TCF4: variants seen among roughly 807,000 people sequenced by gnomAD.
The protein encoded by TCF4 is SL3-3 enhancer factor 2.
A neutral mutation model predicts 82.1 loss-of-function variants in TCF4; 3 were observed. That is an observed-to-expected ratio of 0.04 (90% CI 0.02 to 0.09). The LOEUF (loss-of-function observed/expected upper bound fraction) is 0.09, where lower values mean the gene tolerates loss of function less well. TCF4 is among the 10% of genes least tolerant of loss of function. The pLI, the probability that TCF4 is intolerant of heterozygous loss-of-function variation, is 1.00. For missense variants in TCF4, 518 were observed against 852.7 expected (o/e 0.61, Z 4.89); for synonymous variants, 276 against 309.6 (o/e 0.89, Z 1.14).
rs928156683 is a variant in TCF4, at chr18:55,297,149, T to G, written c.550-17493A>C. 3.4e-3 allele frequency among the ~76,000 whole-genome samples: 305 copies of G among 90,596 alleles called. 2 individuals carry two copies. In the South Asian group the frequency reaches 0.043, roughly 13 times the overall value. 59.4% of individuals were successfully genotyped at this position (90,596 alleles called of 152,430 possible). On this transcript the variant is annotated intron_variant, in intron 8 of 19. Coordinates refer to ENST00000354452, the MANE Select transcript of TCF4 (RefSeq NM_001083962.2). Reference sequence around the variant, plus strand: ...GCCTGTTGAGTCTTTTCTTTGAGGTTTTTTTTTTTTTTTTTTTTTTTATCC... The same window carrying G: ...GCCTGTTGAGTCTTTTCTTTGAGGTGTTTTTTTTTTTTTTTTTTTTTATCC...
At chr18:55,524,181 A>T (rs1251734725) in intron 3 of TCF4, among the ~76,000 whole-genome samples, 1 of 152,156 alleles carries the variant, frequency 6.6e-6, no homozygotes, top group African/African-American at 2.4e-5. Flanking sequence ...TTTATAAAAT[A>T]TGTAGAACAG....
At chr18:55,318,624 G>A (rs977586988) in intron 8 of TCF4, among the ~76,000 whole-genome samples, 4 of 152,032 alleles carry the variant, frequency 2.6e-5, no homozygotes, top group Admixed American at 2.0e-4. Flanking sequence ...CTTGTGTTAC[G>A]ATTTTTTGTT....
intron 6 of TCF4, among the ~76,000 whole-genome samples, chr18:55,362,768 C>T (rs1463835960): frequency 2.0e-5 from 3 of 152,124 alleles, no homozygotes; most frequent in African/African-American, 4.8e-5. Flanking sequence ...TTTCTCTCCA[C>T]GGATGTAAGA....
chr18:55,273,390 C>A (rs925560139), intron 10 of TCF4, among the ~76,000 whole-genome samples: 1 of 152,178 alleles, frequency 6.6e-6, no homozygotes, highest in East Asian at 1.9e-4. Context: ...TCCCTTTGTT[C>A]AGTATGGGGC....
At chr18:55,428,355 CA>C (rs1056458851) in intron 5 of TCF4, among the ~76,000 whole-genome samples, 13 of 152,180 alleles carry the variant, frequency 8.5e-5, no homozygotes, top group Non-Finnish European at 4.4e-5. Flanking sequence ...ACCTGTTACT[CA>C]AGACTCCATA....
intron 8 of TCF4, among the ~76,000 whole-genome samples, chr18:55,282,266 T>C (rs2062772348): frequency 6.6e-6 from 1 of 152,126 alleles, no homozygotes; most frequent in African/African-American, 2.4e-5. Context: ...ATTTCAAATA[T>C]AAGAAAACTG....
At chr18:55,328,275 T>C (rs1291208034) in intron 8 of TCF4, among the ~76,000 whole-genome samples, 1 of 152,136 alleles carries the variant, frequency 6.6e-6, no homozygotes, top group East Asian at 1.9e-4. Context: ...AATTGACACA[T>C]CTGAAGACTA....
At chr18:55,441,847 G>A (rs992305246) in intron 5 of TCF4, among the ~76,000 whole-genome samples, 4 of 152,178 alleles carry the variant, frequency 2.6e-5, no homozygotes, top group African/African-American at 9.7e-5. Context: ...ACAGCATAGT[G>A]TGCATTTGTG....
Position 55,225,222 on chromosome 18 carries a change from T to A in TCF4, c.*2813A>T, listed in dbSNP as rs2046441162. 1 of 152,578 alleles carries A rather than the reference T, an allele frequency of 6.6e-6. No individual in the cohort carries two copies. Among genetic ancestry groups the A allele is most frequent in the African/African-American group, 2.4e-5 (1 of 41,450 alleles). The allele number at this position is 152,578 out of a possible 1,614,324, so 9.5% of individuals were successfully genotyped here. A position where few individuals can be genotyped will look rare whatever the true frequency, so the allele number is the denominator to read the frequency against. ...TCCAAAGGGAATTCAACAATAGAGG[T>A]ATTGCATTACTGAGTAATGAATACA... On this transcript the variant is annotated 3_prime_UTR_variant, in exon 20 of 20. Coordinates refer to ENST00000354452, the MANE Select transcript of TCF4 (RefSeq NM_001083962.2).
chr18:55,492,939 C>A (rs1179108923), intron 3 of TCF4, among the ~76,000 whole-genome samples: 1 of 152,136 alleles, frequency 6.6e-6, no homozygotes, highest in Non-Finnish European at 1.5e-5. Flanking sequence ...ATACACATAT[C>A]CACCAACACC....
intron 6 of TCF4, among the ~76,000 whole-genome samples, chr18:55,397,561 G>A (rs1445671717): frequency 6.6e-6 from 1 of 152,022 alleles, no homozygotes; most frequent in Non-Finnish European, 1.5e-5. Flanking sequence ...ACAAATAGAG[G>A]AACAGCTCTA....
chr18:55,511,330 T>TAAAAAAAAAAAAAAAAAAA (rs751932079), intron 3 of TCF4, among the ~76,000 whole-genome samples: 2 of 73,072 alleles, frequency 2.7e-5, no homozygotes, highest in Admixed American at 1.5e-4. Flanking sequence ...TTCCAAAAGT[T>TAAAAAAAAAAAAAAAAAAA]TAAAAAAAAA....
chr18:55,617,990 T>C (rs1192281234), intron 2 of TCF4, among the ~76,000 whole-genome samples: 1 of 152,124 alleles, frequency 6.6e-6, no homozygotes, highest in Non-Finnish European at 1.5e-5. Flanking sequence ...CCGTGTTGAA[T>C]AGAACTGGTA....
intron 3 of TCF4, among the ~76,000 whole-genome samples, chr18:55,555,579 T>C (rs1219809371): frequency 6.6e-6 from 1 of 152,216 alleles, no homozygotes; most frequent in Non-Finnish European, 1.5e-5. Flanking sequence ...ACATAATGCA[T>C]TCCCTCAACA....
intron 4 of TCF4, 110 bp downstream of exon 4, chr18:55,463,966 G>A (rs911134768): frequency 3.6e-6 from 3 of 828,318 alleles, no homozygotes; most frequent in East Asian, 4.9e-5. Flanking sequence ...GTGTGTGTGT[G>A]TGTGTGTGTG....
chr18:55,475,528 G>A (rs970220129), intron 3 of TCF4, among the ~76,000 whole-genome samples: 1 of 152,050 alleles, frequency 6.6e-6, no homozygotes, highest in Non-Finnish European at 1.5e-5. Flanking sequence ...GGAAAGATTC[G>A]TTAAGAACAT....
intron 6 of TCF4, among the ~76,000 whole-genome samples, chr18:55,360,637 A>G (rs1406972884): frequency 6.6e-6 from 1 of 152,116 alleles, no homozygotes; most frequent in African/African-American, 2.4e-5. Context: ...ATATGTAAAT[A>G]AACAGGTCAG....
chr18:55,530,985 T>G (rs2097056488), intron 3 of TCF4, among the ~76,000 whole-genome samples: 1 of 151,890 alleles, frequency 6.6e-6, no homozygotes, highest in South Asian at 2.1e-4. Flanking sequence ...GGAGTCTTGT[T>G]CTGTCATCCA....
intron 6 of TCF4, among the ~76,000 whole-genome samples, chr18:55,384,824 A>C (rs1053909620): frequency 2.6e-5 from 4 of 152,068 alleles, no homozygotes; most frequent in Non-Finnish European, 4.4e-5. Context: ...GGGTCAGTGG[A>C]TGGGGATGGA....
Sources: allele counts gnomAD v4.1 joint callset (sites outside exome capture counted in the v4.1 genomes callset), GRCh38; gene constraint gnomAD v4.1.1; transcripts MANE v1.5; gene names NCBI Gene and HGNC (gene_info 2026-07-23, HGNC 2026-07-21).